ADAM9: variants seen among roughly 807,000 people sequenced by gnomAD.
ADAM9 encodes disintegrin and metalloproteinase domain-containing protein 9.
In ADAM9, 54 loss-of-function variants were observed where a neutral mutation model predicts 108.1. The observed-to-expected ratio is 0.50, with a 90% CI of 0.40 to 0.63. The LOEUF is 0.63. Ranked by LOEUF, ADAM9 falls within the 20% of genes least tolerant of loss-of-function variation. ADAM9 has a pLI of 0.00. For missense variants in ADAM9, 830 were observed against 997.7 expected (o/e 0.83, Z 2.26); for synonymous variants, 316 against 336.0 (o/e 0.94, Z 0.65).
At position 38,997,103 on chromosome 8, in the gene ADAM9, G is replaced by A; in HGVS notation, c.40G>A (p.Val14Ile). 1 of 1,606,526 alleles carries A rather than the reference G, an allele frequency of 6.2e-7. No homozygotes were observed. The change falls in exon 1 of 22, where the codon GTC becomes ATC. Residue 14 changes from valine to isoleucine, a missense_variant. Transcript: ENST00000487273. ...GCGCTTTCCCTCGGGGACCCTTCGT[G>A]TCCGGTGGTTGCTGTTGCTTGGCCT... ...GARFPSGTLR[V>I]RWLLLLGLVG...
At chr8:39,089,609 A>T (rs925569676) in intron 18 of ADAM9, among the ~76,000 whole-genome samples, 4 of 152,250 alleles carry the variant, frequency 2.6e-5, no homozygotes, top group Admixed American at 2.0e-4. Context: ...TTGGAAAAAT[A>T]TAAGTGTTTA....
chr8:39,030,473 G>A lies in ADAM9; in HGVS notation c.1130+3663G>A, dbSNP rs549365471. ...CTGAATAATAACCCATTGTTTGGAT[G>A]TACCACAGTTTAACCATTTACCTAC... On this transcript the variant is annotated intron_variant, in intron 11 of 21. Transcript: ENST00000487273. Among the ~76,000 whole-genome samples, 7 of 152,278 alleles carry A rather than the reference G, an allele frequency of 4.6e-5. No individual in the cohort carries two copies. The East Asian group carries it at 1.2e-3, about 25-fold the overall frequency.
chr8:39,036,827 G>T (rs1432355027), intron 11 of ADAM9, among the ~76,000 whole-genome samples: 1 of 149,572 alleles, frequency 6.7e-6, no homozygotes, highest in Non-Finnish European at 1.5e-5. Flanking sequence ...CTATGATTTT[G>T]TTATGCTTTT....
chr8:39,076,077 T>C (rs1838842189), intron 15 of ADAM9: 1 of 152,244 alleles, frequency 6.6e-6, no homozygotes, highest in Non-Finnish European at 1.5e-5. Context: ...AAAGCTATTG[T>C]AATCTTGAAC....
chr8:39,091,150 C>G, intron 19 of ADAM9, 109 bp from the exon 20 acceptor site: 1 of 1,010,296 alleles, frequency 9.9e-7, no homozygotes, highest in Non-Finnish European at 1.6e-6. Flanking sequence ...ATCATCCCCA[C>G]CACTACCAAC....
At chr8:39,049,034 A>C (rs1199300096) in intron 12 of ADAM9, among the ~76,000 whole-genome samples, 1 of 131,242 alleles carries the variant, frequency 7.6e-6, no homozygotes, top group African/African-American at 2.9e-5. Context: ...TCAGTATGCT[A>C]TGTGTTTTTG....
At chr8:39,095,767 A>G (rs968851709) in intron 20 of ADAM9, among the ~76,000 whole-genome samples, 5 of 152,186 alleles carry the variant, frequency 3.3e-5, no homozygotes, top group African/African-American at 1.2e-4. Context: ...CTCTCTCCAG[A>G]TTAATTAATA....
chr8:39,088,038 A>G (rs913101522), intron 18 of ADAM9, among the ~76,000 whole-genome samples: 2 of 152,202 alleles, frequency 1.3e-5, no homozygotes, highest in African/African-American at 4.8e-5. Context: ...GAAAATATAT[A>G]TACTATTCAT....
chr8:39,096,441 TTTC>T (rs567163130), intron 20 of ADAM9, among the ~76,000 whole-genome samples: 34 of 152,256 alleles, frequency 2.2e-4, no homozygotes, highest in South Asian at 1.9e-3. Context: ...CCCCTTTATA[TTTC>T]TTCTTCTTCC....
At chr8:39,062,718 C>T (rs950996473) in intron 14 of ADAM9, among the ~76,000 whole-genome samples, 9 of 152,200 alleles carry the variant, frequency 5.9e-5, no homozygotes, top group African/African-American at 2.2e-4. Flanking sequence ...GCCATAGCTC[C>T]TACTATAAGG....
At chr8:39,040,401 TGTG>T (rs1837423728) in intron 11 of ADAM9, among the ~76,000 whole-genome samples, 1 of 152,198 alleles carries the variant, frequency 6.6e-6, no homozygotes, top group Non-Finnish European at 1.5e-5. Context: ...GGTATTTCAT[TGTG>T]GTTTTGATTT....
rs73604730 is a variant in ADAM9, at chr8:39,101,847, T to A, written c.2299-16T>A. 406 of 1,600,798 alleles carry A rather than the reference T, an allele frequency of 2.5e-4. 2 individuals carry two copies. The African/African-American group carries it at 4.5e-3, about 18-fold the overall frequency. ...AGCACATAGTGGTAATAACCTTATT[T>A]TTTTTTTCTTTTTAGCCTATATATG... On this transcript the variant is annotated splice_polypyrimidine_tract_variant and intron_variant, in intron 20 of 21. Transcript: ENST00000487273.
At chr8:39,020,405 T>C (rs556711708) in intron 7 of ADAM9, among the ~76,000 whole-genome samples, 6 of 152,334 alleles carry the variant, frequency 3.9e-5, no homozygotes, top group Admixed American at 3.3e-4. Flanking sequence ...TTTTCTTGTT[T>C]AGGAGGATCA....
In ADAM9 at chr8:39,017,271, A is replaced by G; in HGVS notation, c.463A>G (p.Ser155Gly). The G allele has an allele frequency of 1.2e-6, 2 of 1,614,200 alleles. No individual in the cohort carries two copies. Among genetic ancestry groups the G allele is most frequent in the Non-Finnish European group, 1.7e-6 (2 of 1,180,026 alleles). ...TTATGGGATTGAACCCCTGCAGAAC[A>G]GCTCTCATTTTGAGCACATCATTTA... ...ASYGIEPLQN[S>G]SHFEHIIYRM... Residue 155 changes from serine to glycine, a missense_variant, in exon 6 of 22, where the codon AGC becomes GGC. By Grantham distance (56) the Ser-to-Gly change is moderately conservative. This residue lies in a region of ADAM9 where 211 missense variants were observed against 222.2 expected (regional missense o/e 0.95). Coordinates refer to ENST00000487273, the MANE Select transcript of ADAM9 (RefSeq NM_003816.3).
rs750957029 is a variant in ADAM9, at chr8:39,103,792, C to T, written c.*92C>T. The T allele has an allele frequency of 1.6e-6, 2 of 1,247,270 alleles. No individual in the cohort carries two copies. The highest frequency in any genetic ancestry group is 1.5e-5 in the African/African-American group (1 of 67,592). The allele number at this position is 1,247,270 out of a possible 1,614,324, so 77.3% of individuals were successfully genotyped here. A position where few individuals can be genotyped will look rare whatever the true frequency, so the allele number is the denominator to read the frequency against. Reference sequence around the variant, plus strand: ...GTTTTCTTGAAAAGCCTTTCTGTTGCAACTATGAATGAAAACAAAACACCA... The same window carrying T: ...GTTTTCTTGAAAAGCCTTTCTGTTGTAACTATGAATGAAAACAAAACACCA... On this transcript the variant is annotated 3_prime_UTR_variant, in exon 22 of 22. Coordinates refer to ENST00000487273, the MANE Select transcript of ADAM9 (RefSeq NM_003816.3).
chr8:39,013,383 A>T (rs1176802408), intron 3 of ADAM9, among the ~76,000 whole-genome samples: 7 of 151,536 alleles, frequency 4.6e-5, no homozygotes, highest in South Asian at 4.2e-4. Flanking sequence ...GTTGTCTTAA[A>T]TTTTTTGGAA....
chr8:39,029,703 C>T (rs79421382), intron 11 of ADAM9, among the ~76,000 whole-genome samples: 40 of 152,220 alleles, frequency 2.6e-4, no homozygotes, highest in African/African-American at 7.2e-4. Context: ...TGTGTTGAAC[C>T]GTCCTTGTGT....
intron 17 of ADAM9, 60 bp from the exon 18 acceptor site, chr8:39,082,908 A>G (rs773493858): frequency 3.1e-4 from 448 of 1,467,918 alleles, no homozygotes; most frequent in Non-Finnish European, 4.0e-4. Flanking sequence ...TCCATTCTTG[A>G]GTTGATGATA....
At chr8:39,099,598 T>C (rs931493883) in intron 20 of ADAM9, among the ~76,000 whole-genome samples, 17 of 152,206 alleles carry the variant, frequency 1.1e-4, no homozygotes, top group Admixed American at 4.6e-4. Context: ...CCAAGCATCC[T>C]TGTAAATAGA....
Sources: allele counts gnomAD v4.1 joint callset (sites outside exome capture counted in the v4.1 genomes callset), GRCh38; gene constraint gnomAD v4.1.1; regional missense constraint gnomAD v4.1.1; transcripts MANE v1.5; gene names NCBI Gene and HGNC (gene_info 2026-07-23, HGNC 2026-07-21).